Variants in QKI observed in about 807,000 individuals in gnomAD.
QKI encodes KH domain-containing RNA-binding protein QKI.
QKI carries 10 observed loss-of-function variants against 39.0 expected under a neutral mutation model. The ratio of observed to expected loss-of-function variants is 0.26; its 90% confidence interval spans 0.16 to 0.43. QKI has a LOEUF of 0.43. Ranked by LOEUF, QKI falls within the 20% of genes least tolerant of loss-of-function variation. The pLI, the probability that QKI is intolerant of heterozygous loss-of-function variation, is 1.00. For missense variants in QKI, 218 were observed against 428.0 expected, an observed-to-expected ratio of 0.51 and a Z score of 4.33; for synonymous variants, 204 against 155.4, an observed-to-expected ratio of 1.31 and a Z score of -2.33.
intron 4 of QKI, among the ~76,000 whole-genome samples, chr6:163,551,750 C>G (rs1782245898): frequency 6.6e-6 from 1 of 152,228 alleles, no homozygotes; most frequent in African/African-American, 2.4e-5. Context: ...GTCAGAGTCA[C>G]TTTGAAAAGT....
intron 3 of QKI, among the ~76,000 whole-genome samples, chr6:163,507,663 A>G (rs760722977): frequency 9.6e-4 from 146 of 152,346 alleles, no homozygotes; most frequent in Middle Eastern, 3.4e-3. Context: ...AACTAAGACC[A>G]TAGTTGGCAC....
intron 3 of QKI, among the ~76,000 whole-genome samples, chr6:163,528,415 G>T (rs978706370): frequency 9.2e-5 from 14 of 152,092 alleles, no homozygotes; most frequent in Middle Eastern, 6.3e-3. Context: ...GTTGTTGAGG[G>T]TGCATGCTGT....
At chr6:163,530,843 T>C (rs1423067128) in intron 3 of QKI, among the ~76,000 whole-genome samples, 1 of 152,212 alleles carries the variant, frequency 6.6e-6, no homozygotes, top group Non-Finnish European at 1.5e-5. Flanking sequence ...TTCCTTGTGG[T>C]GAAAACTCAG....
intron 4 of QKI, among the ~76,000 whole-genome samples, chr6:163,556,294 C>T (rs910669627): frequency 6.6e-6 from 1 of 152,026 alleles, no homozygotes; most frequent in Non-Finnish European, 1.5e-5. Flanking sequence ...GGGTAGATCA[C>T]CTGAGGTCAG....
intron 3 of QKI, among the ~76,000 whole-genome samples, chr6:163,492,523 T>G (rs375554024): frequency 6.6e-6 from 1 of 152,040 alleles, no homozygotes; most frequent in East Asian, 1.9e-4. Context: ...TTAAAAACAG[T>G]AATAGAAATT....
intron 1 of QKI, among the ~76,000 whole-genome samples, chr6:163,430,675 T>TA (rs1402343435): frequency 6.6e-6 from 1 of 152,188 alleles, no homozygotes; most frequent in Non-Finnish European, 1.5e-5. Flanking sequence ...GCATAGTTTT[T>TA]ACCAGTATGC....
At chr6:163,506,087 G>A (rs546583112) in intron 3 of QKI, among the ~76,000 whole-genome samples, 58 of 150,940 alleles carry the variant, frequency 3.8e-4, no homozygotes, top group Non-Finnish European at 6.3e-4. Flanking sequence ...ATCACCTTGT[G>A]AAGAAGGTGC....
In QKI at chr6:163,494,902, T is replaced by C. The variant is rs1468044435; in HGVS notation, c.402+16006T>C. On this transcript the variant is annotated intron_variant, in intron 3 of 7. Coordinates refer to ENST00000361752, the MANE Select transcript of QKI (RefSeq NM_006775.3). ...AATGTTAAAGAATCATAAGGTGTCT[T>C]TTTTTATTATTTATTTATTTATTTT... is the stretch of plus-strand genomic sequence containing the variant. Among the ~76,000 whole-genome samples the C allele has an allele frequency of 2.0e-5, 3 of 149,792 alleles. No homozygotes were observed. The East Asian group carries it at 5.8e-4, about 29-fold the overall frequency.
intron 4 of QKI, among the ~76,000 whole-genome samples, chr6:163,545,130 G>A (rs1311445784): frequency 6.6e-6 from 1 of 152,086 alleles, no homozygotes; most frequent in Non-Finnish European, 1.5e-5. Context: ...CTGTGTGTAA[G>A]GTACTCTCAT....
intron 3 of QKI, among the ~76,000 whole-genome samples, chr6:163,505,123 G>T (rs1236481102): frequency 6.6e-6 from 1 of 152,222 alleles, no homozygotes; most frequent in Non-Finnish European, 1.5e-5. Flanking sequence ...TGTTGGGCTT[G>T]TGGGTGCACA....
intron 4 of QKI, among the ~76,000 whole-genome samples, chr6:163,537,485 A>G (rs960983571): frequency 6.6e-6 from 1 of 152,158 alleles, no homozygotes; most frequent in Admixed American, 6.5e-5. Context: ...TTGCCTAAAT[A>G]TTTTCAAAGG....
chr6:163,419,877 T>A (rs528535321), intron 1 of QKI, among the ~76,000 whole-genome samples: 1 of 152,324 alleles, frequency 6.6e-6, no homozygotes, highest in Middle Eastern at 3.4e-3. Flanking sequence ...TCAAGTTAAA[T>A]CAAGTTAATT....
intron 2 of QKI, among the ~76,000 whole-genome samples, chr6:163,467,228 C>T (rs976757467): frequency 6.6e-6 from 1 of 152,116 alleles, no homozygotes; most frequent in South Asian, 2.1e-4. Context: ...TGTTAATTAG[C>T]TTGATTGTGG....
At chr6:163,548,170 ATGTT>A (rs10533594) in intron 4 of QKI, among the ~76,000 whole-genome samples, 85,153 of 151,644 alleles carry the variant, frequency 0.56, 25,677 homozygotes, top group East Asian at 0.97. Flanking sequence ...TTAGAACTGA[ATGTT>A]TGTTTGTTTG....
intron 1 of QKI, among the ~76,000 whole-genome samples, chr6:163,428,325 A>C (rs1012961153): frequency 1.3e-5 from 2 of 152,128 alleles, no homozygotes; most frequent in Non-Finnish European, 2.9e-5. Context: ...CAGTTGTTTG[A>C]AGGGTTTTTG....
Position 163,577,831 on chromosome 6 carries a change from T to C in QKI, c.*7121T>C, listed in dbSNP as rs1404684122. On this transcript the variant is annotated 3_prime_UTR_variant, in exon 8 of 8. Transcript: ENST00000361752. ...GTTACTCATGCACATTGTGTTCTTA[T>C]GTTTACAGAAGTGCTTAAGTGAATG... The C allele has an allele frequency of 2.6e-5, 4 of 152,210 alleles. No homozygotes were observed. Among genetic ancestry groups the C allele is most frequent in the Non-Finnish European group, 5.9e-5 (4 of 68,038 alleles). The allele number at this position is 152,210 out of a possible 1,614,324, so 9.4% of individuals were successfully genotyped here.
chr6:163,570,860 C>T lies in QKI; in HGVS notation c.*150C>T. 1 of 893,370 alleles carries T rather than the reference C, an allele frequency of 1.1e-6. No individual in the cohort carries two copies. Among genetic ancestry groups the T allele is most frequent in the Non-Finnish European group, 1.6e-6 (1 of 624,340 alleles). 55.3% of individuals were successfully genotyped at this position (893,370 alleles called of 1,614,324 possible). A position where few individuals can be genotyped will look rare whatever the true frequency, so the allele number is the denominator to read the frequency against. ...CCGTTCGTCTTACCATCTAACCAAACAAAAGACAAAGAAATTGTTGTCCTC... is the reference window on the plus strand; with the variant it reads ...CCGTTCGTCTTACCATCTAACCAAATAAAAGACAAAGAAATTGTTGTCCTC... On this transcript the variant is annotated 3_prime_UTR_variant, in exon 8 of 8. Coordinates refer to ENST00000361752, the MANE Select transcript of QKI (RefSeq NM_006775.3).
rs564660548 is a variant in QKI at position 163,567,393 on chromosome 6, A to G, written c.1009+598A>G. 3.0e-4 allele frequency: 295 copies of G among 985,588 alleles called. 4 individuals carry two copies. In the South Asian group the frequency reaches 8.5e-3, roughly 28 times the overall value. 61.1% of individuals were successfully genotyped at this position (985,588 alleles called of 1,614,324 possible). On this transcript the variant is annotated intron_variant, in intron 7 of 7. Coordinates refer to ENST00000361752, the MANE Select transcript of QKI (RefSeq NM_006775.3). ...TTTTTTTATATAAATTAGAGCGTCAATTCCCTTTTATTCTTACATTCTCTT... is the reference window on the plus strand; with the variant it reads ...TTTTTTTATATAAATTAGAGCGTCAGTTCCCTTTTATTCTTACATTCTCTT...
At chr6:163,473,507 A>C (rs1321036758) in intron 2 of QKI, among the ~76,000 whole-genome samples, 2 of 152,234 alleles carry the variant, frequency 1.3e-5, no homozygotes, top group Non-Finnish European at 2.9e-5. Context: ...TTTTGAAGAC[A>C]GATCAAGAGA....
Sources: allele counts gnomAD v4.1 joint callset (sites outside exome capture counted in the v4.1 genomes callset), GRCh38; gene constraint gnomAD v4.1.1; transcripts MANE v1.5; gene names NCBI Gene and HGNC (gene_info 2026-07-23, HGNC 2026-07-21).